Variants in PPA1 observed in about 807,000 individuals in gnomAD.
The protein encoded by PPA1 is inorganic pyrophosphatase.
Under a neutral mutation model 41.8 loss-of-function variants are expected in PPA1, and 23 were observed. The observed-to-expected ratio is 0.55, with a 90% CI of 0.40 to 0.78. The LOEUF is 0.78. Ranked by LOEUF, PPA1 falls within the 30% of genes least tolerant of loss-of-function variation. The probability of loss-of-function intolerance (pLI) is 0.00; values close to 1 mark genes in which losing one functional copy is unlikely to be tolerated. For synonymous variants in PPA1, 101 were observed against 116.8 expected (o/e 0.86, Z 0.87); for missense variants, 320 against 361.6 (o/e 0.89, Z 0.93).
At position 70,221,577 on chromosome 10, in the gene PPA1, A is replaced by G. The variant is rs906681353; in HGVS notation, c.124-2760T>C. On this transcript the variant is annotated intron_variant, in intron 2 of 10. Coordinates refer to ENST00000373232, the MANE Select transcript of PPA1 (RefSeq NM_021129.4). ...AACCTCAGAACCAATCTTTGACTAA[A>G]TTTCACCTTGTCCACTAGGTTTTCA... Among the ~76,000 whole-genome samples the G allele has an allele frequency of 5.3e-5, 8 of 152,162 alleles. 1 individual carries two copies. The highest frequency in any genetic ancestry group is 3.2e-3 in the Middle Eastern group (1 of 316).
chr10:70,209,349 A>G (rs747310844), intron 7 of PPA1, 59 bp from the exon 8 acceptor site: 21 of 1,409,424 alleles, frequency 1.5e-5, no homozygotes, highest in African/African-American at 7.2e-5. Context: ...CCTATTATCA[A>G]CATTTCCCCA....
intron 7 of PPA1, 133 bp downstream of exon 7, chr10:70,209,425 G>T: frequency 7.6e-7 from 1 of 1,319,034 alleles, no homozygotes; most frequent in Non-Finnish European, 1.0e-6. Flanking sequence ...ATATTAAAGT[G>T]AATAAATAAA....
At chr10:70,219,832 T>G (rs1039168726) in intron 2 of PPA1, among the ~76,000 whole-genome samples, 11 of 152,242 alleles carry the variant, frequency 7.2e-5, no homozygotes, top group Non-Finnish European at 1.6e-4. Flanking sequence ...CCATAGGTTA[T>G]TTAATTAAAC....
chr10:70,207,260 C>T (rs1318538218), intron 8 of PPA1, among the ~76,000 whole-genome samples: 1 of 151,810 alleles, frequency 6.6e-6, no homozygotes, highest in Non-Finnish European at 1.5e-5. Context: ...ACCAAAATGT[C>T]CAATAATAAG....
intron 3 of PPA1, among the ~76,000 whole-genome samples, chr10:70,218,172 C>A (rs759803053): frequency 9.2e-5 from 14 of 152,036 alleles, no homozygotes; most frequent in Non-Finnish European, 1.5e-4. Context: ...TTCTAGAAAG[C>A]AAAGACTAAA....
intron 7 of PPA1, 58 bp downstream of exon 7, chr10:70,209,500 T>A: frequency 6.6e-7 from 1 of 1,523,910 alleles, no homozygotes; most frequent in Non-Finnish European, 8.9e-7. Context: ...ACAATATGGT[T>A]AAATTATGAG....
chr10:70,225,706 A>C (rs1840222997), intron 2 of PPA1, among the ~76,000 whole-genome samples: 1 of 151,864 alleles, frequency 6.6e-6, no homozygotes, highest in Non-Finnish European at 1.5e-5. Flanking sequence ...TCCCTATCAG[A>C]AGAGCTCACG....
intron 9 of PPA1, 74 bp downstream of exon 9, chr10:70,206,190 A>T: frequency 8.7e-7 from 1 of 1,148,622 alleles, no homozygotes. Flanking sequence ...CGAAACAAGT[A>T]CTTCCTCTCC....
At chr10:70,221,049 ATATATAATT>A (rs1387664349) in intron 2 of PPA1, among the ~76,000 whole-genome samples, 31 of 61,670 alleles carry the variant, frequency 5.0e-4, no homozygotes, top group East Asian at 2.5e-3. Context: ...AATTATATAT[ATATATAATT>A]TATATATATA....
chr10:70,203,101 A>G lies in PPA1; in HGVS notation c.*54T>C. 6.5e-7 allele frequency: 1 copy of G among 1,535,538 alleles called. No individual in the cohort carries two copies. Among genetic ancestry groups the G allele is most frequent in the Non-Finnish European group, 9.0e-7 (1 of 1,114,800 alleles). Reference sequence around the variant, plus strand: ...AAAAGCTACTACTTTTACTTCTAATACATCCAGATGAACACGATGTAGCAA... The same window carrying G: ...AAAAGCTACTACTTTTACTTCTAATGCATCCAGATGAACACGATGTAGCAA... On this transcript the variant is annotated 3_prime_UTR_variant, in exon 11 of 11. Transcript: ENST00000373232.
chr10:70,204,998 A>T, intron 9 of PPA1, 83 bp from the exon 10 acceptor site: 1 of 1,076,878 alleles, frequency 9.3e-7, no homozygotes, highest in East Asian at 2.6e-5. Context: ...AATTTAAGAG[A>T]ATCTGAAGAC....
chr10:70,218,501 G>A, intron 3 of PPA1: 2 of 435,502 alleles, frequency 4.6e-6, no homozygotes, highest in Non-Finnish European at 8.2e-6. Flanking sequence ...CAGAGAGTAA[G>A]AGGAGAAAAA....
intron 6 of PPA1, among the ~76,000 whole-genome samples, chr10:70,212,446 A>G (rs1275781832): frequency 6.6e-6 from 1 of 152,232 alleles, no homozygotes; most frequent in East Asian, 1.9e-4. Context: ...CAACTGATGA[A>G]TGGATAAACA....
chr10:70,232,330 C>G (rs1411170899), intron 1 of PPA1, among the ~76,000 whole-genome samples: 4 of 152,160 alleles, frequency 2.6e-5, no homozygotes, highest in African/African-American at 9.7e-5. Context: ...TGTGGTGACA[C>G]ATTTACGAAC....
intron 2 of PPA1, among the ~76,000 whole-genome samples, chr10:70,219,025 C>T (rs1840106950): frequency 6.6e-6 from 1 of 152,090 alleles, no homozygotes; most frequent in African/African-American, 2.4e-5. Context: ...TCAAGGTGGT[C>T]AGTATATGAT....
Position 70,233,363 on chromosome 10 carries a change from C to G in PPA1, c.-36G>C, listed in dbSNP as rs1313506934. 1.3e-6 allele frequency: 2 copies of G among 1,529,328 alleles called. No individual in the cohort carries two copies. Among genetic ancestry groups the G allele is most frequent in the South Asian group, 1.2e-5 (1 of 82,128 alleles). The allele number at this position is 1,529,328 out of a possible 1,614,324, so 94.7% of individuals were successfully genotyped here. ...TCCTGCCGCCGCCGCTGCCACAGAG[C>G]CACCAGCCCGCACGCGGCGCCGACT... is the stretch of plus-strand genomic sequence containing the variant. On this transcript the variant is annotated 5_prime_UTR_variant, in exon 1 of 11. Transcript: ENST00000373232.
At position 70,233,407 on chromosome 10, in the gene PPA1, C is replaced by A; in HGVS notation, c.-80G>T. ...GCCGACTGACAAGGAGAGAGCCCCA[C>A]GCCTGCGCACTGCGAGCACTGGACC... On this transcript the variant is annotated 5_prime_UTR_variant, in exon 1 of 11. Coordinates refer to ENST00000373232, the MANE Select transcript of PPA1 (RefSeq NM_021129.4). 2 of 1,494,242 alleles carry A rather than the reference C, an allele frequency of 1.3e-6. No individual in the cohort carries two copies. Among genetic ancestry groups the A allele is most frequent in the South Asian group, 1.3e-5 (1 of 79,068 alleles). The allele number at this position is 1,494,242 out of a possible 1,614,324, so 92.6% of individuals were successfully genotyped here. A position where few individuals can be genotyped will look rare whatever the true frequency, so the allele number is the denominator to read the frequency against.
At chr10:70,207,682 T>C (rs574933153) in intron 8 of PPA1, among the ~76,000 whole-genome samples, 1 of 152,168 alleles carries the variant, frequency 6.6e-6, no homozygotes, top group Admixed American at 6.5e-5. Flanking sequence ...TTTTATGACA[T>C]GAGGAAATGC....
intron 2 of PPA1, among the ~76,000 whole-genome samples, chr10:70,227,245 C>A (rs1324847001): frequency 6.6e-6 from 1 of 152,186 alleles, no homozygotes; most frequent in African/African-American, 2.4e-5. Flanking sequence ...ACCTTCTCTA[C>A]CCACTGGATT....
Sources: gnomAD v4.1 joint callset for allele counts (sites outside exome capture counted in the v4.1 genomes callset) on GRCh38, gnomAD v4.1.1 for gene constraint, MANE v1.5 for transcripts, NCBI Gene and HGNC (gene_info 2026-07-23, HGNC 2026-07-21) for gene names.